NAA15: variants seen among roughly 807,000 people sequenced by gnomAD.
NAA15 encodes the protein N-terminal acetyltransferase.
NAA15 carries 34 observed loss-of-function variants against 114.0 expected under a neutral mutation model. The ratio of observed to expected loss-of-function variants is 0.30; its 90% CI spans 0.23 to 0.40. The LOEUF (loss-of-function observed/expected upper bound fraction) is 0.40. Ranked by LOEUF, NAA15 falls within the 10% of genes least tolerant of loss-of-function variation. The probability of loss-of-function intolerance (pLI) is 1.00; values close to 1 mark genes in which losing one functional copy is unlikely to be tolerated. For synonymous variants in NAA15, 340 were observed against 338.0 expected, an observed-to-expected ratio of 1.01 and a Z score of -0.06; for missense variants, 658 against 1,004.5, an observed-to-expected ratio of 0.66 and a Z score of 4.66.
At chr4:139,379,955 G>A (rs1187164938) in intron 17 of NAA15, among the ~76,000 whole-genome samples, 1 of 152,156 alleles carries the variant, frequency 6.6e-6, no homozygotes, top group Non-Finnish European at 1.5e-5. Context: ...TGAGGCAGGA[G>A]AATCGCTTGA....
chr4:139,314,147 T>A (rs1746306315), intron 1 of NAA15, among the ~76,000 whole-genome samples: 1 of 151,946 alleles, frequency 6.6e-6, no homozygotes, highest in Admixed American at 6.6e-5. Context: ...TCTGAAGGAT[T>A]ACAGTTTGTA....
chr4:139,371,889 C>G (rs953974955), intron 15 of NAA15, among the ~76,000 whole-genome samples: 44 of 152,034 alleles, frequency 2.9e-4, no homozygotes, highest in African/African-American at 8.7e-4. Context: ...TTCATTATAA[C>G]TCTTCATGTT....
In NAA15 at chr4:139,354,008, TG is replaced by T. The variant is rs770553252; in HGVS notation, c.1015-17del. 1 of 1,598,382 alleles carries T rather than the reference TG, an allele frequency of 6.3e-7. No homozygotes were observed. Among genetic ancestry groups the T allele is most frequent in the South Asian group, 1.1e-5 (1 of 89,226 alleles). ...TGTGTTTTTTCTATTAAAGTGTGTT[TG>T]TGTGTTTGTACTCTAGGTGGCAATC... On this transcript the variant is annotated splice_polypyrimidine_tract_variant and intron_variant, in intron 9 of 19. Transcript: ENST00000296543.
intron 14 of NAA15, among the ~76,000 whole-genome samples, chr4:139,369,509 G>T (rs907094590): frequency 1.3e-5 from 2 of 152,104 alleles, no homozygotes; most frequent in Admixed American, 1.3e-4. Flanking sequence ...GGAGGCCGAG[G>T]CAGGTGGATC....
At chr4:139,334,077 A>G (rs962379204) in intron 1 of NAA15, 97 bp from the exon 2 acceptor site, 7 of 727,332 alleles carry the variant, frequency 9.6e-6, no homozygotes, top group Admixed American at 2.9e-5. Flanking sequence ...TGGAAATAGC[A>G]TTCTGTTGTA....
intron 10 of NAA15, 90 bp from the exon 11 acceptor site, chr4:139,357,296 T>C: frequency 1.9e-6 from 2 of 1,053,670 alleles, no homozygotes; most frequent in South Asian, 2.8e-5. Flanking sequence ...TCATAGTACC[T>C]CCCTTGTTAA....
chr4:139,302,087 TTC>T, intron 1 of NAA15: 1 of 397,240 alleles, frequency 2.5e-6, no homozygotes, highest in Non-Finnish European at 4.5e-6. Context: ...ACCTCCCGGC[TTC>T]TAGACTGCCG....
intron 17 of NAA15, among the ~76,000 whole-genome samples, chr4:139,384,364 G>A (rs1748833817): frequency 6.6e-6 from 1 of 152,168 alleles, no homozygotes; most frequent in Non-Finnish European, 1.5e-5. Context: ...TGTGGTCCCA[G>A]CTTCTCAGGA....
rs751688160 is a variant in NAA15 at position 139,341,593 on chromosome 4, CAAAAA to C, written c.402+546_402+550del. 5.5e-4 allele frequency among the ~76,000 whole-genome samples: 8 copies of C among 14,426 alleles called. No individual in the cohort carries two copies. The East Asian group carries it at 0.017, about 31-fold the overall frequency. 9.5% of individuals were successfully genotyped at this position (14,426 alleles called of 152,430 possible). A position where few individuals can be genotyped will look rare whatever the true frequency, so the allele number is the denominator to read the frequency against. ...TGGGTAACAGAGCGAAACTCTGTCTCAAAAAAAAAAAAAAAAAAAAAAAAAAGAAA... is the reference window on the plus strand; with the variant it reads ...TGGGTAACAGAGCGAAACTCTGTCTCAAAAAAAAAAAAAAAAAAAAAGAAA... On this transcript the variant is annotated intron_variant, in intron 4 of 19. Coordinates refer to ENST00000296543, the MANE Select transcript of NAA15 (RefSeq NM_057175.5).
Position 139,357,468 on chromosome 4 carries a change from A to T in NAA15, c.1170A>T (p.Pro390=), listed in dbSNP as rs1478600888. The T allele has an allele frequency of 6.2e-7, 1 of 1,613,792 alleles. No individual in the cohort carries two copies. The highest frequency in any genetic ancestry group is 1.7e-5 in the Admixed American group (1 of 60,018). The change falls in exon 11 of 20, where the codon CCA becomes CCT. Residue 390 remains proline (P), a synonymous_variant. Coordinates refer to ENST00000296543, the MANE Select transcript of NAA15 (RefSeq NM_057175.5). ...LAQHYDKIGQ[P]SIALEYINTA... ...AACATTATGACAAAATTGGTCAGCC[A>T]TCTATTGCTTTGGAGTACATAAATA...
chr4:139,360,407 C>G, intron 12 of NAA15, 93 bp from the exon 13 acceptor site: 1 of 1,206,344 alleles, frequency 8.3e-7, no homozygotes, highest in Non-Finnish European at 1.1e-6. Flanking sequence ...TGAAAGAGTC[C>G]CAATCAGCTT....
At chr4:139,381,566 A>T (rs911555942) in intron 17 of NAA15, among the ~76,000 whole-genome samples, 4 of 151,966 alleles carry the variant, frequency 2.6e-5, no homozygotes, top group African/African-American at 9.7e-5. Flanking sequence ...AAATTATTAA[A>T]TTTTTTATTT....
chr4:139,359,615 A>G (rs748188132), intron 11 of NAA15, 128 bp from the exon 12 acceptor site: 1 of 772,098 alleles, frequency 1.3e-6, no homozygotes, highest in Non-Finnish European at 2.0e-6. Flanking sequence ...TATATTGATT[A>G]GCATCTAAGA....
At chr4:139,379,547 T>C (rs1386111158) in intron 17 of NAA15, among the ~76,000 whole-genome samples, 1 of 152,198 alleles carries the variant, frequency 6.6e-6, no homozygotes, top group Non-Finnish European at 1.5e-5. Flanking sequence ...TGTACATTTA[T>C]AATAAAGTAC....
rs116348260 is a variant in NAA15 at position 139,347,341 on chromosome 4, A to T, written c.692-2121A>T. 5.3e-3 allele frequency among the ~76,000 whole-genome samples: 810 copies of T among 152,276 alleles called. 12 individuals are homozygous for T. The highest frequency in any genetic ancestry group is 0.019 in the African/African-American group (775 of 41,552). On this transcript the variant is annotated intron_variant, in intron 6 of 19. Coordinates refer to ENST00000296543, the MANE Select transcript of NAA15 (RefSeq NM_057175.5). ...AGAACCGCTGGTACAGATACTAAGA[A>T]TATGGGCTTGTAAGGCATGGTGGCT...
chr4:139,315,424 T>TG (rs2110849073), intron 1 of NAA15, among the ~76,000 whole-genome samples: 1 of 151,438 alleles, frequency 6.6e-6, no homozygotes, highest in Admixed American at 6.6e-5. Context: ...CAGGCTGAGG[T>TG]GGGGGATTGC....
intron 19 of NAA15, 111 bp downstream of exon 19, chr4:139,386,341 C>A (rs912634581): frequency 5.7e-6 from 3 of 530,858 alleles, no homozygotes; most frequent in African/African-American, 1.9e-5. Context: ...GAATCTGGGT[C>A]AGAAACAACT....
At chr4:139,314,313 A>G (rs1746310759) in intron 1 of NAA15, among the ~76,000 whole-genome samples, 1 of 151,834 alleles carries the variant, frequency 6.6e-6, no homozygotes, top group Non-Finnish European at 1.5e-5. Context: ...GTGCATGCCT[A>G]TGAGACTTGT....
chr4:139,345,997 A>G (rs183518408), intron 6 of NAA15, among the ~76,000 whole-genome samples: 2 of 152,256 alleles, frequency 1.3e-5, no homozygotes, highest in South Asian at 2.1e-4. Flanking sequence ...TTTGCTGTAA[A>G]TGAAACAAAT....
Sources: allele counts gnomAD v4.1 joint callset (sites outside exome capture counted in the v4.1 genomes callset), GRCh38; gene constraint gnomAD v4.1.1; transcripts MANE v1.5; gene names NCBI Gene and HGNC (gene_info 2026-07-23, HGNC 2026-07-21).